Variants in SACM1L observed in about 807,000 individuals in gnomAD.
SACM1L encodes the protein phosphatidylinositol-3-phosphatase SAC1.
SACM1L carries 32 observed loss-of-function variants against 89.5 expected under a neutral mutation model. That is an observed-to-expected ratio of 0.36 (90% CI 0.27 to 0.48). SACM1L has a LOEUF of 0.48. Ranked by LOEUF, SACM1L falls within the 20% of genes least tolerant of loss-of-function variation. The probability of loss-of-function intolerance (pLI) is 0.99; values close to 1 mark genes in which losing one functional copy is unlikely to be tolerated. For synonymous variants in SACM1L, 213 were observed against 232.8 expected, an observed-to-expected ratio of 0.92 and a Z score of 0.77; for missense variants, 543 against 708.5, an observed-to-expected ratio of 0.77 and a Z score of 2.65.
At chr3:45,722,112 C>T in intron 9 of SACM1L, 27 bp downstream of exon 9, 1 of 1,403,020 alleles carries the variant, frequency 7.1e-7, no homozygotes, top group South Asian at 1.3e-5. Flanking sequence ...GTTAGGCAGT[C>T]AGCGAGTTGG....
intron 6 of SACM1L, 23 bp from the exon 7 acceptor site, chr3:45,714,023 C>T: frequency 7.6e-7 from 1 of 1,316,886 alleles, no homozygotes; most frequent in Non-Finnish European, 1.1e-6. Context: ...TATATTTATT[C>T]TAAATATATA....
chr3:45,738,606 A>T lies in SACM1L; in HGVS notation c.1411A>T (p.Ile471Leu), dbSNP rs752644781. ...TGGAAAGAGAACTCATTTGGGACTT[A>T]TAATGGATGGCTGGAACTCAATGAT... ...RTGKRTHLGL[I>L]MDGWNSMIRY... is the part of the protein sequence containing the mutation. Residue 471 changes from isoleucine (I) to leucine (L), a missense_variant, in exon 17 of 20, where the codon ATA becomes TTA. Coordinates refer to ENST00000389061, the MANE Select transcript of SACM1L (RefSeq NM_014016.5). The T allele has an allele frequency of 1.2e-6, 2 of 1,612,878 alleles. No homozygotes were observed. The highest frequency in any genetic ancestry group is 1.7e-6 in the Non-Finnish European group (2 of 1,178,990).
chr3:45,718,040 A>C (rs1246065604), intron 7 of SACM1L, among the ~76,000 whole-genome samples: 1 of 152,218 alleles, frequency 6.6e-6, no homozygotes, highest in Non-Finnish European at 1.5e-5. Context: ...TGAGGAGTAT[A>C]CTCTGTAACC....
intron 3 of SACM1L, among the ~76,000 whole-genome samples, chr3:45,706,335 A>G (rs1575391005): frequency 6.6e-6 from 1 of 152,108 alleles, no homozygotes; most frequent in South Asian, 2.1e-4. Context: ...ACATTTCTCT[A>G]CCATTTAGAG....
At position 45,719,492 on chromosome 3, in the gene SACM1L, T is replaced by C. The variant is rs139045746; in HGVS notation, c.578-8T>C. 2.7e-3 allele frequency: 4,058 copies of C among 1,479,192 alleles called. 92 individuals carry two copies. In the East Asian group the frequency reaches 0.036, roughly 13 times the overall value. 91.6% of individuals were successfully genotyped at this position (1,479,192 alleles called of 1,614,324 possible). ...ATTATATGTTATATTTTTCTTAATG[T>C]GGTTAAGTTATTACCATGCATTCAT... On this transcript the variant is annotated splice_polypyrimidine_tract_variant and splice_region_variant and intron_variant, in intron 7 of 19. Transcript: ENST00000389061.
In SACM1L at chr3:45,706,917, G is replaced by A. The variant is rs774533855; in HGVS notation, c.333+10G>A. 17 of 1,612,432 alleles carry A rather than the reference G, an allele frequency of 1.1e-5. No homozygotes were observed. The East Asian group carries it at 3.3e-4, about 32-fold the overall frequency. ...CTTAACTGATATTCAGGTAAGAACT[G>A]GAAATTGTTACTAATTGCAGCGCCC... On this transcript the variant is annotated intron_variant, in intron 4 of 19. Coordinates refer to ENST00000389061, the MANE Select transcript of SACM1L (RefSeq NM_014016.5).
At position 45,715,547 on chromosome 3, in the gene SACM1L, C is replaced by T. The variant is rs193204282; in HGVS notation, c.577+1468C>T. Among the ~76,000 whole-genome samples the T allele has an allele frequency of 5.1e-3, 771 of 152,120 alleles. 6 individuals carry two copies. Among genetic ancestry groups the T allele is most frequent in the African/African-American group, 0.018 (748 of 41,518 alleles). ...TCCCAGCACTTTGGGAGGCCAAGGC[C>T]GGCAGATCATGAGGTCAGGAGTTCG... is the stretch of plus-strand genomic sequence containing the variant. On this transcript the variant is annotated intron_variant, in intron 7 of 19. Coordinates refer to ENST00000389061, the MANE Select transcript of SACM1L (RefSeq NM_014016.5).
chr3:45,707,952 G>A (rs1327365741), intron 4 of SACM1L, among the ~76,000 whole-genome samples: 2 of 151,682 alleles, frequency 1.3e-5, no homozygotes, highest in Non-Finnish European at 2.9e-5. Flanking sequence ...AAATTATAGT[G>A]TGCTAAATAT....
At chr3:45,711,613 C>CT (rs1314838088) in intron 5 of SACM1L, among the ~76,000 whole-genome samples, 2 of 149,648 alleles carry the variant, frequency 1.3e-5, no homozygotes, top group Non-Finnish European at 3.0e-5. Flanking sequence ...GCAAGACGGT[C>CT]TAAAAAAAAA....
In SACM1L at chr3:45,743,736, C is replaced by T; in HGVS notation, c.*67C>T. 1 of 1,526,196 alleles carries T rather than the reference C, an allele frequency of 6.6e-7. No individual in the cohort carries two copies. Among genetic ancestry groups the T allele is most frequent in the Non-Finnish European group, 8.8e-7 (1 of 1,135,508 alleles). The allele number at this position is 1,526,196 out of a possible 1,614,324, so 94.5% of individuals were successfully genotyped here. The stretch of plus-strand genomic sequence containing the variant: ...TGTGCAGAACTGGAGTCTTTACTGA[C>T]CCGCTTTCCACATCAGCCCAAGGTC... On this transcript the variant is annotated 3_prime_UTR_variant, in exon 20 of 20. Transcript: ENST00000389061.
In SACM1L at chr3:45,738,560, T is replaced by C. The variant is rs148511960; in HGVS notation, c.1383-18T>C. Reference sequence around the variant, plus strand: ...CAGTGTACAAACCTGTAACTTAAAATTTAACCTCTTTAACCAGAACTGGAA... The same window carrying C: ...CAGTGTACAAACCTGTAACTTAAAACTTAACCTCTTTAACCAGAACTGGAA... On this transcript the variant is annotated intron_variant, in intron 16 of 19. Transcript: ENST00000389061. 468 of 1,521,952 alleles carry C rather than the reference T, an allele frequency of 3.1e-4. 4 individuals are homozygous for C. In the East Asian group the frequency reaches 7.6e-3, roughly 25 times the overall value. The allele number at this position is 1,521,952 out of a possible 1,614,324, so 94.3% of individuals were successfully genotyped here. A position where few individuals can be genotyped will look rare whatever the true frequency, so the allele number is the denominator to read the frequency against.
chr3:45,690,023 G>A (rs1697933410), intron 1 of SACM1L: 2 of 154,228 alleles, frequency 1.3e-5, no homozygotes, highest in African/African-American at 2.4e-5. Flanking sequence ...GTAGTCTTAA[G>A]GTCCTGAAGG....
In SACM1L at chr3:45,719,495, T is replaced by C; in HGVS notation, c.578-5T>C. On this transcript the variant is annotated splice_polypyrimidine_tract_variant and splice_region_variant and intron_variant, in intron 7 of 19. Transcript: ENST00000389061. Reference sequence around the variant, plus strand: ...ATATGTTATATTTTTCTTAATGTGGTTAAGTTATTACCATGCATTCATGTT... The same window carrying C: ...ATATGTTATATTTTTCTTAATGTGGCTAAGTTATTACCATGCATTCATGTT... The C allele has an allele frequency of 6.6e-7, 1 of 1,518,632 alleles. No homozygotes were observed. The allele number at this position is 1,518,632 out of a possible 1,614,324, so 94.1% of individuals were successfully genotyped here.
intron 1 of SACM1L, chr3:45,690,440 C>T (rs1697950260): frequency 6.6e-6 from 1 of 152,146 alleles, no homozygotes; most frequent in Admixed American, 6.6e-5. Flanking sequence ...TGTATATGAG[C>T]TAAAATACCT....
intron 2 of SACM1L, 36 bp downstream of exon 2, chr3:45,703,571 A>G (rs1483823199): frequency 7.4e-7 from 1 of 1,343,090 alleles, no homozygotes; most frequent in Admixed American, 1.7e-5. Flanking sequence ...TTAGGGAGAA[A>G]GATTTTATAC....
chr3:45,731,295 T>C lies in SACM1L; in HGVS notation c.922-6T>C, dbSNP rs143758740. On this transcript the variant is annotated splice_polypyrimidine_tract_variant and splice_region_variant and intron_variant, in intron 11 of 19. Coordinates refer to ENST00000389061, the MANE Select transcript of SACM1L (RefSeq NM_014016.5). ...TGGAAACTATGGTGTTTGAAATTTTTTACAGATTAACCAGAAGGGCTCGGA... is the reference window on the plus strand; with the variant it reads ...TGGAAACTATGGTGTTTGAAATTTTCTACAGATTAACCAGAAGGGCTCGGA... 5,372 of 1,602,766 alleles carry C rather than the reference T, an allele frequency of 3.4e-3. 8 individuals carry two copies. The highest frequency in any genetic ancestry group is 4.2e-3 in the Non-Finnish European group (4,922 of 1,173,700).
rs143786638 is a variant in SACM1L, at chr3:45,738,927, A to G, written c.1569+54A>G. The G allele has an allele frequency of 4.4e-5, 47 of 1,068,188 alleles. No homozygotes were observed. In the East Asian group the frequency reaches 1.0e-3, roughly 24 times the overall value. 66.2% of individuals were successfully genotyped at this position (1,068,188 alleles called of 1,614,324 possible). A position where few individuals can be genotyped will look rare whatever the true frequency, so the allele number is the denominator to read the frequency against. On this transcript the variant is annotated intron_variant, in intron 18 of 19. Coordinates refer to ENST00000389061, the MANE Select transcript of SACM1L (RefSeq NM_014016.5). ...TTTTAAAAGCATTGTGTCTGAAGGTATAGATGGTTTCAGTCTCAATTTAAA... is the reference window on the plus strand; with the variant it reads ...TTTTAAAAGCATTGTGTCTGAAGGTGTAGATGGTTTCAGTCTCAATTTAAA...
chr3:45,709,514 C>T lies in SACM1L; in HGVS notation c.350C>T (p.Thr117Ile), dbSNP rs868079673. 1 of 1,610,224 alleles carries T rather than the reference C, an allele frequency of 6.2e-7. No individual in the cohort carries two copies. The highest frequency in any genetic ancestry group is 8.5e-7 in the Non-Finnish European group (1 of 1,178,544). Residue 117 changes from threonine to isoleucine, a missense_variant, in exon 5 of 20, where the codon ACC (threonine) becomes ATC (isoleucine). Thr to Ile is a moderately conservative substitution (Grantham distance 89). Around this residue, in one of 2 missense-constraint regions of SACM1L, gnomAD observed 173 missense variants for 180.9 expected, o/e 0.96. Transcript: ENST00000389061. ...LTDIQLQDNK[T>I]FLAMLNHVLN... ...TGTTTATAGTTACAAGATAATAAAACCTTCCTAGCGATGCTAAACCATGTC... is the reference window on the plus strand; with the variant it reads ...TGTTTATAGTTACAAGATAATAAAATCTTCCTAGCGATGCTAAACCATGTC...
rs573393095 is a variant in SACM1L at position 45,689,742 on chromosome 3, A to G, written c.32+245A>G. On this transcript the variant is annotated intron_variant, in intron 1 of 19. Coordinates refer to ENST00000389061, the MANE Select transcript of SACM1L (RefSeq NM_014016.5). ...CCCAGCGCCCACGGCTGAAGAGAGA[A>G]GCTGCCGACTGGCCCCCACCGAGCC... 30 of 593,718 alleles carry G rather than the reference A, an allele frequency of 5.1e-5. No individual in the cohort carries two copies. The African/African-American group carries it at 5.4e-4, about 11-fold the overall frequency. 36.8% of individuals were successfully genotyped at this position (593,718 alleles called of 1,614,324 possible). A position where few individuals can be genotyped will look rare whatever the true frequency, so the allele number is the denominator to read the frequency against.
Sources: gnomAD v4.1 joint callset for allele counts (sites outside exome capture counted in the v4.1 genomes callset) on GRCh38, gnomAD v4.1.1 for gene constraint, gnomAD v4.1.1 regional missense constraint, MANE v1.5 for transcripts, NCBI Gene and HGNC (gene_info 2026-07-23, HGNC 2026-07-21) for gene names.